The following PSMD14 variants were observed in gnomAD, a reference collection of about 807,000 sequenced individuals.
PSMD14 encodes proteasome 26S subunit, non-ATPase 14.
A neutral mutation model predicts 41.2 loss-of-function variants in PSMD14; 7 were observed. The observed-to-expected ratio is 0.17, with a 90% CI of 0.10 to 0.32. The LOEUF is 0.32. Ranked by LOEUF, PSMD14 falls within the 10% of genes least tolerant of loss-of-function variation. The pLI, the probability that PSMD14 is intolerant of heterozygous loss-of-function variation, is 1.00. For synonymous variants in PSMD14, 114 were observed against 122.3 expected (o/e 0.93, Z 0.45); for missense variants, 139 against 375.6 (o/e 0.37, Z 5.21).
At chr2:161,389,807 G>A (rs549146704) in intron 8 of PSMD14, among the ~76,000 whole-genome samples, 1 of 150,560 alleles carries the variant, frequency 6.6e-6, no homozygotes, top group Non-Finnish European at 1.5e-5. Flanking sequence ...GAATGACCTA[G>A]GTTCAGATCC....
chr2:161,394,722 A>T (rs1280230758), intron 9 of PSMD14, among the ~76,000 whole-genome samples: 1 of 152,220 alleles, frequency 6.6e-6, no homozygotes, highest in African/African-American at 2.4e-5. Context: ...TTATACAAGT[A>T]ATACAGCAGG....
intron 8 of PSMD14, among the ~76,000 whole-genome samples, chr2:161,389,889 G>GTTGTTGTTTT: frequency 2.0e-4 from 4 of 20,040 alleles, no homozygotes; most frequent in East Asian, 2.2e-3. Flanking sequence ...CTTTTTTGTT[G>GTTGTTGTTTT]TTTTTTTTTT....
intron 3 of PSMD14, among the ~76,000 whole-genome samples, chr2:161,334,549 T>C (rs570075091): frequency 2.6e-5 from 4 of 152,252 alleles, no homozygotes; most frequent in Non-Finnish European, 5.9e-5. Flanking sequence ...AGACATTTTT[T>C]AAAAAGTGCC....
intron 10 of PSMD14, among the ~76,000 whole-genome samples, chr2:161,401,905 G>A (rs1372505687): frequency 6.6e-6 from 1 of 152,164 alleles, no homozygotes; most frequent in African/African-American, 2.4e-5. Context: ...ATTGCTTATT[G>A]TGTGTATGGC....
intron 10 of PSMD14, among the ~76,000 whole-genome samples, chr2:161,400,941 A>G (rs1655185389): frequency 6.6e-6 from 1 of 152,232 alleles, no homozygotes; most frequent in Non-Finnish European, 1.5e-5. Flanking sequence ...CATAAAACAT[A>G]CACTAATCTA....
chr2:161,370,254 A>C, intron 6 of PSMD14, 77 bp downstream of exon 6: 1 of 1,113,558 alleles, frequency 9.0e-7, no homozygotes, highest in Non-Finnish European at 1.3e-6. Flanking sequence ...ATAGATGTTT[A>C]TCAATGTCAT....
chr2:161,403,036 C>T (rs1357535715), intron 10 of PSMD14, among the ~76,000 whole-genome samples: 1 of 152,126 alleles, frequency 6.6e-6, no homozygotes, highest in African/African-American at 2.4e-5. Flanking sequence ...CAATTCTGCT[C>T]ATAAGTATAT....
intron 9 of PSMD14, among the ~76,000 whole-genome samples, chr2:161,392,509 G>T (rs531767414): frequency 6.6e-6 from 1 of 152,084 alleles, no homozygotes; most frequent in Non-Finnish European, 1.5e-5. Context: ...TATATGCTGG[G>T]GGGGAGGATG....
chr2:161,396,600 G>T lies in PSMD14; in HGVS notation c.771+1397G>T, dbSNP rs1348083066. Among the ~76,000 whole-genome samples the T allele has an allele frequency of 7.2e-5, 11 of 152,196 alleles. No individual in the cohort carries two copies. The East Asian group carries it at 2.1e-3, about 29-fold the overall frequency. ...AAAGTTGAACTCATAGAAGTAGAGA[G>T]TAGAATTGTGGTTACCAGGAATGTG... On this transcript the variant is annotated intron_variant, in intron 10 of 11. Coordinates refer to ENST00000409682, the MANE Select transcript of PSMD14 (RefSeq NM_005805.6).
At chr2:161,401,089 A>G (rs947592960) in intron 10 of PSMD14, among the ~76,000 whole-genome samples, 1 of 152,240 alleles carries the variant, frequency 6.6e-6, no homozygotes, top group African/African-American at 2.4e-5. Context: ...TCAGACAGGC[A>G]ATTCACCTTG....
chr2:161,382,719 A>G (rs1179805913), intron 7 of PSMD14: 1 of 151,854 alleles, frequency 6.6e-6, no homozygotes, highest in Non-Finnish European at 1.5e-5. Context: ...TCGTTATTAT[A>G]TATTAAGGAG....
At chr2:161,340,045 A>T (rs566520940) in intron 3 of PSMD14, among the ~76,000 whole-genome samples, 2 of 152,228 alleles carry the variant, frequency 1.3e-5, no homozygotes, top group Non-Finnish European at 1.5e-5. Context: ...TAATCTATCA[A>T]ACTTTCTAAG....
At chr2:161,367,576 T>G (rs888312123) in intron 4 of PSMD14, 27 bp downstream of exon 4, 2 of 1,554,108 alleles carry the variant, frequency 1.3e-6, no homozygotes, top group Non-Finnish European at 1.8e-6. Context: ...GTTACTTGCT[T>G]TAGAGAACTC....
chr2:161,356,314 T>A (rs1248599609), intron 3 of PSMD14, among the ~76,000 whole-genome samples: 1 of 152,154 alleles, frequency 6.6e-6, no homozygotes, highest in Admixed American at 6.5e-5. Context: ...TGCAGCTTGT[T>A]TTTCACACTA....
At chr2:161,343,953 C>T (rs1035843209) in intron 3 of PSMD14, among the ~76,000 whole-genome samples, 3 of 152,148 alleles carry the variant, frequency 2.0e-5, no homozygotes, top group Non-Finnish European at 4.4e-5. Context: ...TGAACATGTA[C>T]ACTTTTTCTT....
intron 3 of PSMD14, among the ~76,000 whole-genome samples, chr2:161,333,075 T>C (rs1682818914): frequency 6.6e-6 from 1 of 152,268 alleles, no homozygotes; most frequent in African/African-American, 2.4e-5. Context: ...ATCTGTCTTG[T>C]ACATTTTTGA....
intron 3 of PSMD14, among the ~76,000 whole-genome samples, chr2:161,322,541 C>T (rs1682622941): frequency 6.6e-6 from 1 of 152,144 alleles, no homozygotes; most frequent in South Asian, 2.1e-4. Context: ...AGGCATGAGC[C>T]TCCACGCCCA....
At chr2:161,376,370 C>T (rs1244047072) in intron 7 of PSMD14, among the ~76,000 whole-genome samples, 1 of 151,346 alleles carries the variant, frequency 6.6e-6, no homozygotes, top group Non-Finnish European at 1.5e-5. Context: ...AGGAGGTGTG[C>T]AATAAATGAT....
At position 161,309,393 on chromosome 2, in the gene PSMD14, CA is replaced by C. The variant is rs371867136; in HGVS notation, c.-138+790del. On this transcript the variant is annotated intron_variant, in intron 1 of 11. Transcript: ENST00000409682. ...AAGTTGATAAAATATTATGGAAAGG[CA>C]GGGGAAAGGGTTTAAAAATGAGCAT... is the stretch of plus-strand genomic sequence containing the variant. Among the ~76,000 whole-genome samples the C allele has an allele frequency of 8.4e-4, 128 of 152,140 alleles. 1 individual carries two copies. In the East Asian group the frequency reaches 0.018, roughly 22 times the overall value.
Sources: allele counts gnomAD v4.1 joint callset (sites outside exome capture counted in the v4.1 genomes callset), GRCh38; gene constraint gnomAD v4.1.1; transcripts MANE v1.5; gene names NCBI Gene and HGNC (gene_info 2026-07-23, HGNC 2026-07-21).